Variants in SH2D2A observed in about 807,000 individuals in gnomAD.
SH2D2A encodes SH2 domain-containing protein 2A.
SH2D2A carries 33 observed loss-of-function variants against 43.6 expected under a neutral mutation model. That is an observed-to-expected ratio of 0.76 (90% confidence interval 0.57 to 1.01). The LOEUF is 1.01. Among genes scored for constraint, SH2D2A ranks in the 50% least tolerant of loss-of-function variants. The pLI, the probability that SH2D2A is intolerant of heterozygous loss-of-function variation, is 0.00. For synonymous variants in SH2D2A, 212 were observed against 206.1 expected (o/e 1.03, Z -0.25); for missense variants, 491 against 503.1 (o/e 0.98, Z 0.23).
In SH2D2A at chr1:156,814,002, C is replaced by A; in HGVS notation, c.413G>T (p.Cys138Phe). The A allele has an allele frequency of 6.6e-7, 1 of 1,515,394 alleles. No homozygotes were observed. Among genetic ancestry groups the A allele is most frequent in the Non-Finnish European group, 8.8e-7 (1 of 1,131,982 alleles). 93.9% of individuals were successfully genotyped at this position (1,515,394 alleles called of 1,614,324 possible). A position where few individuals can be genotyped will look rare whatever the true frequency, so the allele number is the denominator to read the frequency against. The change falls in exon 5 of 9, where the codon TGC (cysteine) becomes TTC (phenylalanine). Residue 138 changes from cysteine (C) to phenylalanine (F), a missense_variant. Transcript: ENST00000368199. ...FVLTYRSRTC[C>F]RHFLLAQLRD... is the part of the protein sequence containing the mutation. ...GAGCTGGGCCAGCAGGAAGTGGCGG[C>A]AGCAAGTCCGGCTCCTGGAGGGCGC...
intron 5 of SH2D2A, 98 bp downstream of exon 5, chr1:156,813,750 G>A: frequency 2.5e-6 from 3 of 1,192,414 alleles, no homozygotes; most frequent in Middle Eastern, 3.0e-4. Context: ...GTTTCGGGAT[G>A]AGAAAGTGCC....
intron 5 of SH2D2A, among the ~76,000 whole-genome samples, chr1:156,811,544 G>A (rs1208382682): frequency 2.0e-5 from 3 of 152,218 alleles, no homozygotes; most frequent in African/African-American, 4.8e-5. Flanking sequence ...TCAGGTCTCT[G>A]CCTGTTCCTC....
chr1:156,807,908 C>T lies in SH2D2A; in HGVS notation c.1003-563G>A, dbSNP rs1653085648. ...CCCCACCCAACCCAAGTCTAGAGTG[C>T]TTCATGGGCCAGGCAGCTGCTTCAG... is the stretch of plus-strand genomic sequence containing the variant. On this transcript the variant is annotated intron_variant, in intron 7 of 8. Transcript: ENST00000368199. The surrounding 1 kb of genome is among the most constrained non-coding windows in gnomAD (Gnocchi z 5.1). 6.6e-6 allele frequency among the ~76,000 whole-genome samples: 1 copy of T among 152,026 alleles called. No homozygotes were observed. Among genetic ancestry groups the T allele is most frequent in the African/African-American group, 2.4e-5 (1 of 41,360 alleles).
In SH2D2A at chr1:156,809,644, C is replaced by T. The variant is rs1372895537; in HGVS notation, c.714+17G>A. On this transcript the variant is annotated intron_variant, in intron 6 of 8. Coordinates refer to ENST00000368199, the MANE Select transcript of SH2D2A (RefSeq NM_003975.4). This position sits in a 1 kb window ranked among gnomAD's most constrained non-coding sequence, Gnocchi z 4.8. ...CAGGCCTGTCCTCCCACTCCCTCAG[C>T]CCCTGCAGCCCAATACCTCCTTCTC... The T allele has an allele frequency of 6.2e-7, 1 of 1,600,698 alleles. No individual in the cohort carries two copies. Among genetic ancestry groups the T allele is most frequent in the African/African-American group, 1.4e-5 (1 of 74,058 alleles).
intron 3 of SH2D2A, 158 bp from the exon 4 acceptor site, chr1:156,814,452 G>C (rs1447742979): frequency 1.3e-5 from 17 of 1,333,546 alleles, no homozygotes; most frequent in Non-Finnish European, 1.3e-5. Context: ...GCACGTGGGC[G>C]CTGCTCTCCC....
rs368859715 is a variant in SH2D2A, at chr1:156,816,743, G to A, written c.-35C>T. ...CTCACAAGGGATCCCAGAGCAGGGT[G>A]TGTGTATGTGTTCCGGAAAGGTGTG... On this transcript the variant is annotated 5_prime_UTR_variant, in exon 1 of 9. Coordinates refer to ENST00000368199, the MANE Select transcript of SH2D2A (RefSeq NM_003975.4). 1.3e-6 allele frequency: 2 copies of A among 1,564,776 alleles called. No individual in the cohort carries two copies. The highest frequency in any genetic ancestry group is 2.4e-5 in the East Asian group (1 of 41,932).
rs756554234 is a variant in SH2D2A at position 156,806,471 on chromosome 1, C to T, written c.*106G>A. On this transcript the variant is annotated 3_prime_UTR_variant, in exon 9 of 9. Coordinates refer to ENST00000368199, the MANE Select transcript of SH2D2A (RefSeq NM_003975.4). ...CACACTTCTTTGCTGTCTTAGATCA[C>T]CAAGGACTGAGCCATTGGATTCTTG... 5 of 152,516 alleles carry T rather than the reference C, an allele frequency of 3.3e-5. No individual in the cohort carries two copies. The highest frequency in any genetic ancestry group is 7.3e-5 in the Non-Finnish European group (5 of 68,288). The allele number at this position is 152,516 out of a possible 1,614,324, so 9.4% of individuals were successfully genotyped here. A position where few individuals can be genotyped will look rare whatever the true frequency, so the allele number is the denominator to read the frequency against.
At chr1:156,814,385 C>T (rs371609875) in intron 3 of SH2D2A, 91 bp from the exon 4 acceptor site, 1 of 1,537,300 alleles carries the variant, frequency 6.5e-7, no homozygotes, top group South Asian at 1.2e-5. Flanking sequence ...ACCCCTACCC[C>T]CAAGCAAGCA....
chr1:156,815,062 A>G lies in SH2D2A; in HGVS notation c.283T>C (p.Trp95Arg). 6.3e-7 allele frequency: 1 copy of G among 1,579,322 alleles called. No homozygotes were observed. Among genetic ancestry groups the G allele is most frequent in the Non-Finnish European group, 8.6e-7 (1 of 1,161,802 alleles). ...WLLQHGAAPAWFHGFITRREA... is the reference protein window; with the variant it reads ...WLLQHGAAPARFHGFITRREA... ...CTCCGGGTGATGAAGCCATGGAACCAGGCAGGGGCTGCCCCGTGCTGCAGG... is the reference window on the plus strand; with the variant it reads ...CTCCGGGTGATGAAGCCATGGAACCGGGCAGGGGCTGCCCCGTGCTGCAGG... The change falls in exon 3 of 9, where the codon TGG becomes CGG. Residue 95 changes from tryptophan (W) to arginine (R), a missense_variant. Trp to Arg is a moderately radical substitution (Grantham distance 101). Transcript: ENST00000368199.
chr1:156,814,308 A>T lies in SH2D2A; in HGVS notation c.309-14T>A. On this transcript the variant is annotated splice_polypyrimidine_tract_variant and intron_variant, in intron 3 of 8. Transcript: ENST00000368199. ...CTCTCTGCCTCCCTGTGGGTGACGGAGAGAGGGGGCCGAACCCTGCTCTGA... is the reference window on the plus strand; with the variant it reads ...CTCTCTGCCTCCCTGTGGGTGACGGTGAGAGGGGGCCGAACCCTGCTCTGA... 3 of 1,611,862 alleles carry T rather than the reference A, an allele frequency of 1.9e-6. No individual in the cohort carries two copies. Among genetic ancestry groups the T allele is most frequent in the Non-Finnish European group, 2.5e-6 (3 of 1,179,166 alleles).
At chr1:156,816,197 C>G in intron 1 of SH2D2A, 103 bp from the exon 2 acceptor site, 1 of 1,478,468 alleles carries the variant, frequency 6.8e-7, no homozygotes, top group East Asian at 2.4e-5. Flanking sequence ...AGGGCTGGGA[C>G]AGTCTTAACG....
chr1:156,809,882 A>C lies in SH2D2A; in HGVS notation c.568-75T>G. ...GGGAGGTGATCAGGAGGACAAAATA[A>C]TCCAGTCTAAGTGGAGGATGGGGGA... On this transcript the variant is annotated intron_variant, in intron 5 of 8. Transcript: ENST00000368199. This position sits in a 1 kb window ranked among gnomAD's most constrained non-coding sequence, Gnocchi z 4.8. 8.5e-6 allele frequency: 13 copies of C among 1,530,928 alleles called. No individual in the cohort carries two copies. Among genetic ancestry groups the C allele is most frequent in the East Asian group, 2.3e-5 (1 of 42,634 alleles). 94.8% of individuals were successfully genotyped at this position (1,530,928 alleles called of 1,614,324 possible).
chr1:156,809,638 C>T lies in SH2D2A; in HGVS notation c.714+23G>A, dbSNP rs1301040869. The T allele has an allele frequency of 6.3e-7, 1 of 1,599,664 alleles. No individual in the cohort carries two copies. Among genetic ancestry groups the T allele is most frequent in the Admixed American group, 1.8e-5 (1 of 56,216 alleles). On this transcript the variant is annotated intron_variant, in intron 6 of 8. Transcript: ENST00000368199. This position sits in a 1 kb window ranked among gnomAD's most constrained non-coding sequence, Gnocchi z 4.8. ...CCCTCGCAGGCCTGTCCTCCCACTC[C>T]CTCAGCCCCTGCAGCCCAATACCTC...
At chr1:156,810,523 C>CTT (rs1478779461) in intron 5 of SH2D2A, among the ~76,000 whole-genome samples, 2 of 140,392 alleles carry the variant, frequency 1.4e-5, no homozygotes, top group Non-Finnish European at 3.2e-5. Flanking sequence ...GAAATATAAG[C>CTT]TATTTTTTTT....
At chr1:156,812,243 C>T (rs1034623265) in intron 5 of SH2D2A, among the ~76,000 whole-genome samples, 23 of 152,124 alleles carry the variant, frequency 1.5e-4, no homozygotes, top group African/African-American at 5.6e-4. Flanking sequence ...ATTGCTCCTC[C>T]CGAAACTTGC....
intron 5 of SH2D2A, among the ~76,000 whole-genome samples, chr1:156,810,606 C>T (rs1653346160): frequency 2.6e-5 from 4 of 151,676 alleles, no homozygotes; most frequent in South Asian, 2.1e-4. Context: ...CTGCAACCTC[C>T]GCCTCCTGGG....
chr1:156,814,403 G>C, intron 3 of SH2D2A, 109 bp from the exon 4 acceptor site: 1 of 1,512,446 alleles, frequency 6.6e-7, no homozygotes, highest in Non-Finnish European at 8.9e-7. Flanking sequence ...GCATGCTGGA[G>C]CGGCTAGAGA....
chr1:156,809,060 G>T lies in SH2D2A; in HGVS notation c.1002+143C>A. 1.2e-6 allele frequency: 1 copy of T among 862,760 alleles called. No individual in the cohort carries two copies. The highest frequency in any genetic ancestry group is 1.8e-6 in the Non-Finnish European group (1 of 559,510). The allele number at this position is 862,760 out of a possible 1,614,324, so 53.4% of individuals were successfully genotyped here. A position where few individuals can be genotyped will look rare whatever the true frequency, so the allele number is the denominator to read the frequency against. ...CCTGGAGAAGGGAGGCTGGTGCCTG[G>T]ATCATTCTGTTCTTCCCACATCACC... On this transcript the variant is annotated intron_variant, in intron 7 of 8. Coordinates refer to ENST00000368199, the MANE Select transcript of SH2D2A (RefSeq NM_003975.4). This position sits in a 1 kb window ranked among gnomAD's most constrained non-coding sequence, Gnocchi z 4.8.
Position 156,814,962 on chromosome 1 carries a change from C to T in SH2D2A, c.308+75G>A, listed in dbSNP as rs907920255. 1.3e-4 allele frequency: 177 copies of T among 1,311,200 alleles called. 1 individual carries two copies. Among genetic ancestry groups the T allele is most frequent in the Middle Eastern group, 2.9e-4 (1 of 3,434 alleles). 81.2% of individuals were successfully genotyped at this position (1,311,200 alleles called of 1,614,324 possible). A position where few individuals can be genotyped will look rare whatever the true frequency, so the allele number is the denominator to read the frequency against. On this transcript the variant is annotated intron_variant, in intron 3 of 8. Transcript: ENST00000368199. ...GTAGAAGTGGGAGCCTTCATCTATT[C>T]CTGGCAGGTGGCAGGACCCAGACCC...
Sources: allele counts gnomAD v4.1 joint callset (sites outside exome capture counted in the v4.1 genomes callset), GRCh38; gene constraint gnomAD v4.1.1; non-coding constraint Gnocchi (gnomAD v3.1); transcripts MANE v1.5; gene names NCBI Gene and HGNC (gene_info 2026-07-23, HGNC 2026-07-21).